Variants in LIMCH1 observed in about 807,000 individuals in gnomAD.
LIMCH1 encodes LIM and calponin homology domains 1, also known as LIM and calponin homology domains-containing protein 1.
LIMCH1 carries 113 observed loss-of-function variants against 176.5 expected under a neutral mutation model. The ratio of observed to expected loss-of-function variants is 0.64; its 90% CI spans 0.55 to 0.75. LIMCH1 has a LOEUF of 0.75. Among genes scored for constraint, LIMCH1 ranks in the 30% least tolerant of loss-of-function variants. The pLI is 0.00. For synonymous variants in LIMCH1, 619 were observed against 645.9 expected (o/e 0.96, Z 0.63); for missense variants, 1,674 against 1,814.9 (o/e 0.92, Z 1.41).
intron 3 of LIMCH1, among the ~76,000 whole-genome samples, chr4:41,524,981 C>T (rs1016964380): frequency 5.3e-5 from 8 of 152,198 alleles, no homozygotes; most frequent in Admixed American, 2.0e-4. Context: ...GGTGGTCTAA[C>T]GTCATCTGGA....
At chr4:41,392,744 G>A (rs988169999) in intron 1 of LIMCH1, among the ~76,000 whole-genome samples, 1 of 150,682 alleles carries the variant, frequency 6.6e-6, no homozygotes, top group Non-Finnish European at 1.5e-5. Flanking sequence ...TATTGAAAAT[G>A]TTATAGGCCA....
intron 1 of LIMCH1, among the ~76,000 whole-genome samples, chr4:41,435,835 T>G (rs924172312): frequency 2.6e-5 from 4 of 152,150 alleles, no homozygotes; most frequent in Non-Finnish European, 5.9e-5. Flanking sequence ...ATATACAGAG[T>G]AAGCTTTCGG....
intron 7 of LIMCH1, 54 bp downstream of exon 7, chr4:41,620,744 T>C (rs1406655131): frequency 6.7e-6 from 10 of 1,485,672 alleles, no homozygotes; most frequent in African/African-American, 5.6e-5. Context: ...CCTGGGGATT[T>C]GGAATCTGTC....
intron 1 of LIMCH1, among the ~76,000 whole-genome samples, chr4:41,571,307 G>A (rs934535543): frequency 6.6e-6 from 1 of 152,116 alleles, no homozygotes; most frequent in Non-Finnish European, 1.5e-5. Flanking sequence ...TGGAAGTTAG[G>A]AAGGGATGAC....
intron 1 of LIMCH1, among the ~76,000 whole-genome samples, chr4:41,586,327 C>T (rs1180948994): frequency 6.6e-6 from 1 of 151,940 alleles, no homozygotes; most frequent in African/African-American, 2.4e-5. Context: ...CTGCACTGGT[C>T]TGAAACCCCT....
chr4:41,436,239 G>T (rs112518576), intron 1 of LIMCH1, among the ~76,000 whole-genome samples: 4,250 of 152,224 alleles, frequency 0.028, 77 homozygotes, highest in South Asian at 0.043. Flanking sequence ...TAGGTACCTG[G>T]ACTCCACAAC....
intron 1 of LIMCH1, among the ~76,000 whole-genome samples, chr4:41,491,766 G>A (rs1335877526): frequency 2.7e-5 from 4 of 147,198 alleles, no homozygotes; most frequent in African/African-American, 5.0e-5. Flanking sequence ...CTTCCCATTC[G>A]GGGCAGCCGG....
intron 17 of LIMCH1, 48 bp from the exon 18 acceptor site, chr4:41,650,345 T>C: frequency 7.5e-7 from 1 of 1,342,038 alleles, no homozygotes; most frequent in Non-Finnish European, 1.1e-6. Context: ...TTACAGTCTT[T>C]GATTGGGGTA....
chr4:41,612,871 AAC>A, intron 4 of LIMCH1: 1 of 1,183,236 alleles, frequency 8.5e-7, no homozygotes, highest in Non-Finnish European at 1.1e-6. Flanking sequence ...TTTTTTTTTT[AAC>A]TTTTGCCTCA....
rs2062710867 is a variant in LIMCH1 at position 41,441,599 on chromosome 4, A to G, written c.97-52937A>G. Among the ~76,000 whole-genome samples, 3 of 152,364 alleles carry G rather than the reference A, an allele frequency of 2.0e-5. No individual in the cohort carries two copies. In the South Asian group the frequency reaches 6.2e-4, roughly 32 times the overall value. On this transcript the variant is annotated intron_variant, in intron 1 of 26. Transcript: ENST00000313860. ...ATGCATGGGATTTGGAAAACAAATT[A>G]GAAACAGGATCTTTCACAGATATTT...
intron 1 of LIMCH1, among the ~76,000 whole-genome samples, chr4:41,455,635 C>CA (rs1371971155): frequency 6.6e-6 from 1 of 152,034 alleles, no homozygotes. Flanking sequence ...AACAAAAAAA[C>CA]AAAAAACAAA....
chr4:41,416,552 G>A (rs1227261603), intron 1 of LIMCH1, among the ~76,000 whole-genome samples: 2 of 151,588 alleles, frequency 1.3e-5, no homozygotes, highest in African/African-American at 4.9e-5. Flanking sequence ...CAGCTGCTCA[G>A]GAGGCTGAGG....
chr4:41,363,282 T>G (rs2052433496), intron 1 of LIMCH1, among the ~76,000 whole-genome samples: 2 of 151,542 alleles, frequency 1.3e-5, no homozygotes, highest in South Asian at 4.2e-4. Context: ...AATCCCCGGG[T>G]GGGGGGGCGG....
At chr4:41,650,319 T>C in intron 17 of LIMCH1, 74 bp from the exon 18 acceptor site, 1 of 1,043,918 alleles carries the variant, frequency 9.6e-7, no homozygotes, top group South Asian at 1.4e-5. Flanking sequence ...GAGGTAATTC[T>C]GAACGTGTCG....
intron 2 of LIMCH1, among the ~76,000 whole-genome samples, chr4:41,602,614 G>A (rs1410068169): frequency 4.6e-5 from 7 of 151,900 alleles, no homozygotes; most frequent in Non-Finnish European, 1.5e-5. Context: ...GTCAGGAGAT[G>A]GAGACCAACA....
chr4:41,384,187 T>G (rs1416964243), intron 1 of LIMCH1, among the ~76,000 whole-genome samples: 1 of 150,004 alleles, frequency 6.7e-6, no homozygotes, highest in Non-Finnish European at 1.5e-5. Context: ...CAGTGAGGGG[T>G]CCTTCACATT....
chr4:41,457,247 CATT>C lies in LIMCH1; in HGVS notation c.97-37285_97-37283del, dbSNP rs150212448. On this transcript the variant is annotated intron_variant, in intron 1 of 26. Coordinates refer to the LIMCH1 transcript ENST00000313860. ...CATCTTGCTTTCACAGTCTTACTGACATTATTCTGCTTGTAATAAATTTGATTA... is the reference window on the plus strand; with the variant it reads ...CATCTTGCTTTCACAGTCTTACTGACATTCTGCTTGTAATAAATTTGATTA... Among the ~76,000 whole-genome samples, 218 of 152,152 alleles carry C rather than the reference CATT, an allele frequency of 1.4e-3. 5 individuals carry two copies. In the East Asian group the frequency reaches 0.036, roughly 25 times the overall value.
chr4:41,519,903 G>A (rs761760022), intron 2 of LIMCH1, among the ~76,000 whole-genome samples: 1 of 152,150 alleles, frequency 6.6e-6, no homozygotes, highest in Non-Finnish European at 1.5e-5. Context: ...TAGCTAATAT[G>A]TATAGGATTC....
In LIMCH1 at chr4:41,663,009, G is replaced by T. The variant is rs775933633; in HGVS notation, c.3291+25G>T. ...GGTGAAGTGCAGAGTGGAGGAAAGCGGTTAAACCCACAAGTTAACATGGCC... is the reference window on the plus strand; with the variant it reads ...GGTGAAGTGCAGAGTGGAGGAAAGCTGTTAAACCCACAAGTTAACATGGCC... On this transcript the variant is annotated intron_variant, in intron 20 of 31. Transcript: ENST00000503057. The T allele has an allele frequency of 2.7e-5, 44 of 1,604,158 alleles. 1 individual carries two copies. Among genetic ancestry groups the T allele is most frequent in the Non-Finnish European group, 3.4e-5 (40 of 1,173,166 alleles).
Sources: gnomAD v4.1 joint callset for allele counts (sites outside exome capture counted in the v4.1 genomes callset) on GRCh38, gnomAD v4.1.1 for gene constraint, MANE v1.5 for transcripts, NCBI Gene and HGNC (gene_info 2026-07-23, HGNC 2026-07-21) for gene names.